The following CSMD3 variants were observed in gnomAD, a reference collection of about 807,000 sequenced individuals.
CSMD3 encodes CUB and sushi domain-containing protein 3.
CSMD3 carries 177 observed loss-of-function variants against 435.2 expected under a neutral mutation model. The ratio of observed to expected loss-of-function variants is 0.41; its 90% confidence interval spans 0.36 to 0.46. CSMD3 has a LOEUF of 0.46. Ranked by LOEUF, CSMD3 falls within the 20% of genes least tolerant of loss-of-function variation. The probability of loss-of-function intolerance (pLI) is 0.34; values close to 1 mark genes in which losing one functional copy is unlikely to be tolerated. For missense variants in CSMD3, 4,265 were observed against 4,504.6 expected, an observed-to-expected ratio of 0.95 and a Z score of 1.52; for synonymous variants, 1,656 against 1,520.5, an observed-to-expected ratio of 1.09 and a Z score of -2.07.
intron 3 of CSMD3, among the ~76,000 whole-genome samples, chr8:113,186,051 C>G (rs976317445): frequency 6.6e-6 from 1 of 152,006 alleles, no homozygotes; most frequent in African/African-American, 2.4e-5. Context: ...TCAGATTCAG[C>G]ACTCCTGTAT....
chr8:113,187,589 G>A (rs1033826722), intron 3 of CSMD3, among the ~76,000 whole-genome samples: 3 of 152,000 alleles, frequency 2.0e-5, no homozygotes, highest in Admixed American at 6.6e-5. Flanking sequence ...TTTTATATGA[G>A]TGTACATGTT....
Position 112,517,227 on chromosome 8 carries a change from T to G in CSMD3, c.4565-2A>C. On this transcript the variant is annotated splice_acceptor_variant, in intron 27 of 70. Coordinates refer to ENST00000297405, the MANE Select transcript of CSMD3 (RefSeq NM_198123.2). LOFTEE classifies it high-confidence loss of function. Reference sequence around the variant, plus strand: ...CACGACACGCAGTGGCAACAGAACCTATCAAAAGACAGAGACAAAATTTTA... The same window carrying G: ...CACGACACGCAGTGGCAACAGAACCGATCAAAAGACAGAGACAAAATTTTA... The G allele has an allele frequency of 6.2e-7, 1 of 1,612,530 alleles. No homozygotes were observed. The highest frequency in any genetic ancestry group is 1.7e-5 in the Admixed American group (1 of 59,822).
chr8:112,498,021 G>T (rs1821543347), intron 30 of CSMD3, among the ~76,000 whole-genome samples: 1 of 152,056 alleles, frequency 6.6e-6, no homozygotes, highest in Admixed American at 6.5e-5. Context: ...GGTGAAGACA[G>T]TGGGTGGGGA....
At chr8:112,370,027 GAAGAA>G (rs1563852409) in intron 38 of CSMD3, among the ~76,000 whole-genome samples, 1 of 49,872 alleles carries the variant, frequency 2.0e-5, no homozygotes, top group African/African-American at 4.4e-5. Context: ...AGAAGAGGAA[GAAGAA>G]GAAGAAGAAG....
chr8:113,284,085 G>A (rs1299381419), intron 2 of CSMD3, among the ~76,000 whole-genome samples: 1 of 152,074 alleles, frequency 6.6e-6, no homozygotes, highest in Non-Finnish European at 1.5e-5. Flanking sequence ...GGGACTTGGG[G>A]GAGAGGGAGG....
At chr8:112,304,973 C>A (rs2130780828) in intron 51 of CSMD3, 58 bp from the exon 52 acceptor site, 1 of 1,255,626 alleles carries the variant, frequency 8.0e-7, no homozygotes, top group Non-Finnish European at 1.1e-6. Context: ...AACGTCTATT[C>A]CATTCTTTAC....
At chr8:112,908,585 C>T (rs1027719322) in intron 10 of CSMD3, among the ~76,000 whole-genome samples, 22 of 151,366 alleles carry the variant, frequency 1.5e-4, no homozygotes, top group African/African-American at 4.6e-4. Context: ...ACAATTTTGC[C>T]TTAATGAGGA....
At chr8:113,180,238 T>A (rs932120385) in intron 3 of CSMD3, among the ~76,000 whole-genome samples, 3 of 151,914 alleles carry the variant, frequency 2.0e-5, no homozygotes. Flanking sequence ...GTACCTCTCA[T>A]CCTGAGACTT....
chr8:112,511,451 G>A (rs909884104), intron 28 of CSMD3, among the ~76,000 whole-genome samples: 36 of 148,658 alleles, frequency 2.4e-4, no homozygotes, highest in African/African-American at 8.0e-4. Flanking sequence ...GTGCAGTGGC[G>A]AGATCTCAGC....
chr8:112,773,486 C>A (rs1305054343), intron 13 of CSMD3, among the ~76,000 whole-genome samples: 4 of 151,916 alleles, frequency 2.6e-5, no homozygotes, highest in African/African-American at 9.7e-5. Flanking sequence ...TGAAATAACA[C>A]ACAAAAAGCA....
intron 10 of CSMD3, among the ~76,000 whole-genome samples, chr8:112,899,256 G>T (rs914090436): frequency 9.3e-5 from 14 of 150,698 alleles, no homozygotes; most frequent in African/African-American, 3.2e-4. Flanking sequence ...TAGAATTTTT[G>T]ATTCTTCATT....
At chr8:112,383,387 G>T (rs1829647731) in intron 37 of CSMD3, among the ~76,000 whole-genome samples, 180 bp downstream of exon 37, 1 of 151,976 alleles carries the variant, frequency 6.6e-6, no homozygotes, top group African/African-American at 2.4e-5. Flanking sequence ...ATGTAATAAG[G>T]TTTTAAATAT....
intron 2 of CSMD3, among the ~76,000 whole-genome samples, chr8:113,308,181 A>C (rs2093836766): frequency 7.0e-6 from 1 of 143,212 alleles, no homozygotes; most frequent in Non-Finnish European, 1.5e-5. Flanking sequence ...CTTAATGATG[A>C]TTGATGAGAT....
At chr8:113,242,177 A>G (rs1049928530) in intron 3 of CSMD3, among the ~76,000 whole-genome samples, 3 of 151,962 alleles carry the variant, frequency 2.0e-5, no homozygotes, top group African/African-American at 7.2e-5. Flanking sequence ...AAAAAATTGT[A>G]TGGTACTTGG....
At chr8:113,165,527 A>C (rs2131851108) in intron 4 of CSMD3, among the ~76,000 whole-genome samples, 1 of 152,294 alleles carries the variant, frequency 6.6e-6, no homozygotes, top group Middle Eastern at 3.4e-3. Flanking sequence ...ATGAAGACTC[A>C]GTTGCCTCAA....
chr8:113,133,283 T>C (rs946372574), intron 4 of CSMD3, among the ~76,000 whole-genome samples: 1 of 152,160 alleles, frequency 6.6e-6, no homozygotes, highest in African/African-American at 2.4e-5. Context: ...AAAGGTTATA[T>C]ACAAATAGCC....
At chr8:113,383,616 A>G (rs2356480) in intron 1 of CSMD3, among the ~76,000 whole-genome samples, 72,790 of 151,956 alleles carry the variant, frequency 0.48, 17,915 homozygotes, top group African/African-American at 0.57. Flanking sequence ...GTCGATTTTC[A>G]GTGCCTGCAG....
chr8:112,857,226 TA>T (rs2080687056), intron 11 of CSMD3, among the ~76,000 whole-genome samples: 2 of 151,632 alleles, frequency 1.3e-5, no homozygotes, highest in Non-Finnish European at 1.5e-5. Context: ...AGATCAAAAT[TA>T]AGTGTCTACA....
chr8:112,854,962 T>C (rs1270654511), intron 11 of CSMD3, among the ~76,000 whole-genome samples: 2 of 152,154 alleles, frequency 1.3e-5, no homozygotes, highest in African/African-American at 2.4e-5. Context: ...TATGTGGCTA[T>C]TGAGCACTAA....
Sources: gnomAD v4.1 joint callset for allele counts (sites outside exome capture counted in the v4.1 genomes callset) on GRCh38, gnomAD v4.1.1 for gene constraint, MANE v1.5 for transcripts, NCBI Gene and HGNC (gene_info 2026-07-23, HGNC 2026-07-21) for gene names.